DNAJC7: variants seen among roughly 807,000 people sequenced by gnomAD.
DNAJC7 encodes the protein DnaJ heat shock protein family (Hsp40) member C7, also known as dnaJ homolog subfamily C member 7.
A neutral mutation model predicts 67.4 loss-of-function variants in DNAJC7; 18 were observed. The ratio of observed to expected loss-of-function variants is 0.27; its 90% CI spans 0.18 to 0.40. DNAJC7 has a LOEUF of 0.40. DNAJC7 is among the 10% of genes least tolerant of loss of function. The probability of loss-of-function intolerance (pLI) is 1.00; values close to 1 mark genes in which losing one functional copy is unlikely to be tolerated. For missense variants in DNAJC7, 419 were observed against 613.8 expected (o/e 0.68, Z 3.35); for synonymous variants, 220 against 207.8 (o/e 1.06, Z -0.50).
At position 41,977,242 on chromosome 17, in the gene DNAJC7, G is replaced by C. The variant is rs1488696232; in HGVS notation, c.1447+19C>G. ...TGGCTTGTGATCTGGGAACTCCCAA[G>C]AACAGCAGGCCCACCTACCTTCAAA... On this transcript the variant is annotated intron_variant, in intron 13 of 13. Coordinates refer to ENST00000457167, the MANE Select transcript of DNAJC7 (RefSeq NM_003315.4). 3 of 1,573,578 alleles carry C rather than the reference G, an allele frequency of 1.9e-6. No homozygotes were observed. Among genetic ancestry groups the C allele is most frequent in the South Asian group, 2.3e-5 (2 of 85,346 alleles).
At chr17:42,002,319 C>A (rs2143283015) in intron 1 of DNAJC7, among the ~76,000 whole-genome samples, 1 of 152,300 alleles carries the variant, frequency 6.6e-6, no homozygotes, top group South Asian at 2.1e-4. Flanking sequence ...ATATACAAAT[C>A]TTTGAGGAAA....
At chr17:41,988,957 G>A (rs2051446424) in intron 7 of DNAJC7, 61 bp from the exon 8 acceptor site, 1 of 1,574,296 alleles carries the variant, frequency 6.4e-7, no homozygotes, top group South Asian at 1.2e-5. Flanking sequence ...CCATTGCACA[G>A]AGAGGCCAGA....
intron 4 of DNAJC7, among the ~76,000 whole-genome samples, chr17:41,995,509 T>C (rs2143229640): frequency 1.3e-5 from 2 of 152,338 alleles, no homozygotes; most frequent in Middle Eastern, 3.4e-3. Flanking sequence ...TGTAATACCG[T>C]ATTTTTACTG....
intron 9 of DNAJC7, among the ~76,000 whole-genome samples, chr17:41,986,515 T>A (rs1252916085): frequency 6.7e-6 from 1 of 150,372 alleles, no homozygotes; most frequent in Non-Finnish European, 1.5e-5. Flanking sequence ...GACATGTAGG[T>A]GATTCTCCCC....
In DNAJC7 at chr17:41,998,993, C is replaced by CG. The variant is rs782251003; in HGVS notation, c.166+1488dup. Among the ~76,000 whole-genome samples the CG allele has an allele frequency of 2.7e-4, 41 of 151,054 alleles. No individual in the cohort carries two copies. In the East Asian group the frequency reaches 7.6e-3, roughly 28 times the overall value. ...TTGAGCCCAGGAGTTTGAGACCAGCCGGGGCAACATGGTAAGACCCTGTCT... is the reference window on the plus strand; with the variant it reads ...TTGAGCCCAGGAGTTTGAGACCAGCCGGGGGCAACATGGTAAGACCCTGTCT... On this transcript the variant is annotated intron_variant, in intron 2 of 13. Transcript: ENST00000457167.
At chr17:41,994,519 C>CAAAAAAAAA (rs68006925) in intron 5 of DNAJC7, among the ~76,000 whole-genome samples, 2 of 37,888 alleles carry the variant, frequency 5.3e-5, no homozygotes, top group African/African-American at 7.8e-5. Flanking sequence ...GACTAGGCCT[C>CAAAAAAAAA]AAAAAAAAAA....
In DNAJC7 at chr17:42,017,342, C is replaced by T. The variant is rs1555652123; in HGVS notation, c.75G>A (p.Lys25=). The T allele has an allele frequency of 1.2e-6, 2 of 1,611,896 alleles. No individual in the cohort carries two copies. The highest frequency in any genetic ancestry group is 1.7e-5 in the Admixed American group (1 of 60,030). ...EPELLDDQEA[K]REAETFKEQG... is the part of the protein sequence containing the mutation. Reference sequence around the variant, plus strand: ...CTACTACCCTGCTACCCGGTTACCTCTTCGCCTCTTGGTCGTCGAGCAGCT... The same window carrying T: ...CTACTACCCTGCTACCCGGTTACCTTTTCGCCTCTTGGTCGTCGAGCAGCT... Residue 25 remains lysine, a splice_region_variant and synonymous_variant, in exon 1 of 14, where the codon AAG becomes AAA. Transcript: ENST00000457167.
At chr17:41,999,780 A>C (rs1555649180) in intron 2 of DNAJC7, among the ~76,000 whole-genome samples, 3 of 152,228 alleles carry the variant, frequency 2.0e-5, no homozygotes, top group Admixed American at 6.5e-5. Flanking sequence ...TGGCCTTCCA[A>C]AGTGCTGGGA....
intron 2 of DNAJC7, 46 bp from the exon 3 acceptor site, chr17:41,997,285 C>T (rs782795799): frequency 2.5e-6 from 4 of 1,591,754 alleles, no homozygotes; most frequent in South Asian, 1.1e-5. Flanking sequence ...AGAACAGGTC[C>T]CTGCTTTGAA....
At chr17:41,996,095 C>A (rs1217997329) in intron 4 of DNAJC7, among the ~76,000 whole-genome samples, 3 of 152,242 alleles carry the variant, frequency 2.0e-5, no homozygotes, top group Non-Finnish European at 4.4e-5. Context: ...AGAAACACTT[C>A]AATTTTCACA....
At chr17:41,991,115 TTC>T (rs2051502805) in intron 5 of DNAJC7, among the ~76,000 whole-genome samples, 1 of 152,202 alleles carries the variant, frequency 6.6e-6, no homozygotes, top group Non-Finnish European at 1.5e-5. Context: ...TCTCCATATA[TTC>T]TGTTTTTCTC....
At chr17:42,016,543 CCTAA>C (rs1321722745) in intron 1 of DNAJC7, 4 of 152,386 alleles carry the variant, frequency 2.6e-5, no homozygotes, top group Admixed American at 6.5e-5. Flanking sequence ...AATAATCTGG[CCTAA>C]CTGTTGCCAG....
chr17:41,985,323 G>C (rs1555646600), intron 9 of DNAJC7: 1 of 150,972 alleles, frequency 6.6e-6, no homozygotes, highest in Non-Finnish European at 1.5e-5. Context: ...TAGGAGTTCA[G>C]AATCAATGTA....
chr17:41,990,180 G>A (rs1289842495), intron 6 of DNAJC7, 84 bp downstream of exon 6: 13 of 1,341,560 alleles, frequency 9.7e-6, no homozygotes, highest in Non-Finnish European at 1.4e-5. Context: ...CTACTCTGGG[G>A]ACCATATCCT....
intron 10 of DNAJC7, among the ~76,000 whole-genome samples, chr17:41,983,270 G>A (rs920885110): frequency 3.2e-4 from 49 of 152,064 alleles, no homozygotes; most frequent in African/African-American, 1.1e-3. Flanking sequence ...GATTACAGGC[G>A]TATACCACCA....
At chr17:41,998,516 T>C (rs1481547229) in intron 2 of DNAJC7, among the ~76,000 whole-genome samples, 7 of 152,132 alleles carry the variant, frequency 4.6e-5, no homozygotes, top group African/African-American at 1.7e-4. Context: ...CTTGTGCAAA[T>C]GGACAGCAGC....
intron 1 of DNAJC7, among the ~76,000 whole-genome samples, chr17:42,007,398 T>C (rs192570932): frequency 1.6e-3 from 245 of 152,304 alleles, no homozygotes; most frequent in African/African-American, 5.8e-3. Context: ...CCCAATGGCA[T>C]GTCACAGGGC....
chr17:41,977,533 C>T, intron 12 of DNAJC7: 1 of 443,020 alleles, frequency 2.3e-6, no homozygotes, highest in South Asian at 3.7e-5. Context: ...GACATGTTCC[C>T]TTCTCCTTCC....
chr17:41,999,976 G>C (rs1490776320), intron 2 of DNAJC7, among the ~76,000 whole-genome samples: 1 of 148,156 alleles, frequency 6.7e-6, no homozygotes, highest in Admixed American at 6.8e-5. Flanking sequence ...CCGCCACCAG[G>C]CCCAGCTAAT....
Sources: gnomAD v4.1 joint callset for allele counts (sites outside exome capture counted in the v4.1 genomes callset) on GRCh38, gnomAD v4.1.1 for gene constraint, MANE v1.5 for transcripts, NCBI Gene and HGNC (gene_info 2026-07-23, HGNC 2026-07-21) for gene names.